Variants in NCAM2 observed in about 807,000 individuals in gnomAD.
NCAM2 encodes N-CAM-2.
NCAM2 carries 30 observed loss-of-function variants against 98.1 expected under a neutral mutation model. The observed-to-expected ratio is 0.31, with a 90% CI of 0.23 to 0.41. The LOEUF is 0.41. Among genes scored for constraint, NCAM2 ranks in the 10% least tolerant of loss-of-function variants. The pLI, the probability that NCAM2 is intolerant of heterozygous loss-of-function variation, is 1.00. For synonymous variants in NCAM2, 368 were observed against 342.4 expected, an observed-to-expected ratio of 1.07 and a Z score of -0.83; for missense variants, 867 against 1,005.8, an observed-to-expected ratio of 0.86 and a Z score of 1.87.
At chr21:21,026,507 C>T (rs1402032090) in intron 1 of NCAM2, among the ~76,000 whole-genome samples, 5 of 152,016 alleles carry the variant, frequency 3.3e-5, no homozygotes, top group African/African-American at 1.2e-4. Context: ...CTTCTGTCAT[C>T]CCAGCTACTC....
intron 1 of NCAM2, among the ~76,000 whole-genome samples, chr21:21,114,966 G>A (rs149976896): frequency 6.6e-6 from 1 of 151,850 alleles, no homozygotes; most frequent in Non-Finnish European, 1.5e-5. Context: ...GATTACAGGC[G>A]CCTGCCACCA....
At chr21:21,056,531 A>G (rs931982054) in intron 1 of NCAM2, among the ~76,000 whole-genome samples, 4 of 120,912 alleles carry the variant, frequency 3.3e-5, no homozygotes, top group African/African-American at 9.6e-5. Flanking sequence ...TGTGCATGAG[A>G]GAGGGGGAGA....
chr21:21,289,818 G>A (rs749802563), intron 4 of NCAM2, among the ~76,000 whole-genome samples: 4 of 151,936 alleles, frequency 2.6e-5, no homozygotes, highest in Non-Finnish European at 5.9e-5. Context: ...AGTGACATAA[G>A]CTAATATACA....
chr21:21,223,312 ATTTACT>A (rs1408859763), intron 1 of NCAM2: 1 of 152,052 alleles, frequency 6.6e-6, no homozygotes, highest in Non-Finnish European at 1.5e-5. Flanking sequence ...TTTTTAAGAG[ATTTACT>A]TTTATTTTTC....
chr21:21,226,990 G>C (rs929949144), intron 1 of NCAM2, among the ~76,000 whole-genome samples: 4 of 151,926 alleles, frequency 2.6e-5, no homozygotes, highest in Admixed American at 6.6e-5. Context: ...TAGCAAGTTG[G>C]TAATAATATA....
At chr21:21,038,862 G>A (rs2064848821) in intron 1 of NCAM2, among the ~76,000 whole-genome samples, 1 of 152,134 alleles carries the variant, frequency 6.6e-6, no homozygotes. Context: ...TGAGGAATAC[G>A]AAGGCCGCTA....
intron 1 of NCAM2, among the ~76,000 whole-genome samples, chr21:21,038,812 G>A (rs2064847906): frequency 6.6e-6 from 1 of 152,160 alleles, no homozygotes; most frequent in Non-Finnish European, 1.5e-5. Flanking sequence ...TGCAAACTCA[G>A]TGTTTGTGAT....
At chr21:21,143,972 G>T (rs114582056) in intron 1 of NCAM2, among the ~76,000 whole-genome samples, 3,487 of 151,934 alleles carry the variant, frequency 0.023, 125 homozygotes, top group African/African-American at 0.079. Context: ...GTTTCACAAC[G>T]TTTTTTGTCT....
chr21:21,496,976 G>A (rs1013767889), intron 15 of NCAM2, among the ~76,000 whole-genome samples: 1 of 151,906 alleles, frequency 6.6e-6, no homozygotes, highest in Non-Finnish European at 1.5e-5. Context: ...CCTATCAGTG[G>A]TAGATTGTAT....
At chr21:21,257,898 T>C (rs1486568943) in intron 1 of NCAM2, among the ~76,000 whole-genome samples, 2 of 152,192 alleles carry the variant, frequency 1.3e-5, no homozygotes, top group African/African-American at 4.8e-5. Context: ...TTGATTGTTA[T>C]GTGATTGGTC....
At chr21:21,208,801 A>G (rs1362604658) in intron 1 of NCAM2, among the ~76,000 whole-genome samples, 1 of 152,188 alleles carries the variant, frequency 6.6e-6, no homozygotes, top group Non-Finnish European at 1.5e-5. Flanking sequence ...TAATTTTCCC[A>G]TTGCATCATT....
chr21:21,226,006 G>C (rs1278673006), intron 1 of NCAM2, among the ~76,000 whole-genome samples: 1 of 152,032 alleles, frequency 6.6e-6, no homozygotes, highest in Non-Finnish European at 1.5e-5. Flanking sequence ...GTCCTTTGTG[G>C]CAACATGGAT....
intron 15 of NCAM2, among the ~76,000 whole-genome samples, chr21:21,501,639 G>C (rs1201349495): frequency 6.9e-6 from 1 of 144,928 alleles, no homozygotes; most frequent in East Asian, 2.0e-4. Flanking sequence ...TTGCTATGTA[G>C]CTGCAGAAGT....
chr21:21,308,252 G>T (rs1362987082), intron 5 of NCAM2, among the ~76,000 whole-genome samples: 1 of 151,994 alleles, frequency 6.6e-6, no homozygotes, highest in African/African-American at 2.4e-5. Context: ...TTTCTATCTG[G>T]TATAAGTTCC....
chr21:21,367,850 T>C (rs2075824154), intron 8 of NCAM2, among the ~76,000 whole-genome samples: 1 of 151,902 alleles, frequency 6.6e-6, no homozygotes, highest in African/African-American at 2.4e-5. Context: ...ACAGCCAGGA[T>C]ATAAGCCTAT....
rs536185867 is a variant in NCAM2, at chr21:21,138,266, C to T, written c.55+139648C>T. Among the ~76,000 whole-genome samples, 6 of 152,136 alleles carry T rather than the reference C, an allele frequency of 3.9e-5. No homozygotes were observed. In the South Asian group the frequency reaches 1.0e-3, roughly 26 times the overall value. On this transcript the variant is annotated intron_variant, in intron 1 of 17. Transcript: ENST00000400546. Reference sequence around the variant, plus strand: ...CTAGTATGCCTTGATCTGCCCCAGACGTTCCAATCTCTCCAGTTCATTCTG... The same window carrying T: ...CTAGTATGCCTTGATCTGCCCCAGATGTTCCAATCTCTCCAGTTCATTCTG...
chr21:21,066,314 A>G (rs913884516), intron 1 of NCAM2, among the ~76,000 whole-genome samples: 10 of 152,130 alleles, frequency 6.6e-5, no homozygotes, highest in African/African-American at 2.4e-4. Context: ...TGGTGTTTTA[A>G]GTTAATTTTT....
chr21:21,452,784 C>T (rs1418264292), intron 12 of NCAM2, among the ~76,000 whole-genome samples: 1 of 76,052 alleles, frequency 1.3e-5, no homozygotes, highest in African/African-American at 5.4e-5. Context: ...TATAGTATTA[C>T]TTTATATATA....
intron 1 of NCAM2, among the ~76,000 whole-genome samples, chr21:21,074,362 CATTT>C (rs2146377505): frequency 6.6e-6 from 1 of 151,800 alleles, no homozygotes; most frequent in East Asian, 1.9e-4. Context: ...ACATTTATTA[CATTT>C]ATTGATTAAC....
Sources: gnomAD v4.1 joint callset for allele counts (sites outside exome capture counted in the v4.1 genomes callset) on GRCh38, gnomAD v4.1.1 for gene constraint, MANE v1.5 for transcripts, NCBI Gene and HGNC (gene_info 2026-07-23, HGNC 2026-07-21) for gene names.